SRBD1: variants seen among roughly 807,000 people sequenced by gnomAD.
SRBD1 encodes S1 RNA binding domain 1.
A neutral mutation model predicts 115.3 loss-of-function variants in SRBD1; 88 were observed. That is an observed-to-expected ratio of 0.76 (90% CI 0.64 to 0.91). The LOEUF (loss-of-function observed/expected upper bound fraction) is 0.91, where lower values mean the gene tolerates loss of function less well. Among genes scored for constraint, SRBD1 ranks in the 40% least tolerant of loss-of-function variants. The probability of loss-of-function intolerance (pLI) is 0.00; values close to 1 mark genes in which losing one functional copy is unlikely to be tolerated. For synonymous variants in SRBD1, 509 were observed against 407.7 expected (o/e 1.25, Z -2.99); for missense variants, 1,385 against 1,177.4 (o/e 1.18, Z -2.58).
At chr2:45,505,668 G>A (rs1670775593) in intron 14 of SRBD1, among the ~76,000 whole-genome samples, 1 of 152,136 alleles carries the variant, frequency 6.6e-6, no homozygotes, top group African/African-American at 2.4e-5. Flanking sequence ...ATACTTAAGA[G>A]CTTCCTGAAA....
chr2:45,599,035 G>GTA lies in SRBD1; in HGVS notation c.648+412_648+413dup, dbSNP rs376888093. ...CTTTCAAAAATCGCTAGGCCTTGTT[G>GTA]TAGTACATTACAACATTATACTAAG... On this transcript the variant is annotated intron_variant, in intron 4 of 20. Coordinates refer to ENST00000263736, the MANE Select transcript of SRBD1 (RefSeq NM_018079.5). Among the ~76,000 whole-genome samples the GTA allele has an allele frequency of 4.6e-5, 7 of 152,304 alleles. No individual in the cohort carries two copies. In the East Asian group the frequency reaches 1.3e-3, roughly 29 times the overall value.
At chr2:45,577,049 G>A (rs1234348086) in intron 7 of SRBD1, among the ~76,000 whole-genome samples, 2 of 152,090 alleles carry the variant, frequency 1.3e-5, no homozygotes, top group African/African-American at 4.8e-5. Flanking sequence ...CTGTGGAAAT[G>A]AAGTACTTCA....
intron 19 of SRBD1, among the ~76,000 whole-genome samples, chr2:45,400,460 G>A (rs1280527409): frequency 6.6e-6 from 1 of 152,104 alleles, no homozygotes; most frequent in Non-Finnish European, 1.5e-5. Flanking sequence ...GGTACTAATA[G>A]GTTGCTCCAG....
chr2:45,605,336 C>A (rs769045854), intron 2 of SRBD1, 26 bp downstream of exon 2: 1 of 1,585,348 alleles, frequency 6.3e-7, no homozygotes, highest in East Asian at 2.2e-5. Context: ...CATTCCCCTA[C>A]CCACATATTA....
intron 14 of SRBD1, among the ~76,000 whole-genome samples, chr2:45,543,022 T>A (rs1024959277): frequency 3.3e-5 from 5 of 152,114 alleles, no homozygotes; most frequent in Non-Finnish European, 5.9e-5. Flanking sequence ...GCAAAATGAG[T>A]GCCTACCATA....
At position 45,544,298 on chromosome 2, in the gene SRBD1, C is replaced by G. The variant is rs553631819; in HGVS notation, c.1874+2434G>C. On this transcript the variant is annotated intron_variant, in intron 14 of 20. Transcript: ENST00000263736. ...CCCTAAACTCAAAGATTAGCCCACACTTAACATATTTACTACAAATAGCCT... is the reference window on the plus strand; with the variant it reads ...CCCTAAACTCAAAGATTAGCCCACAGTTAACATATTTACTACAAATAGCCT... Among the ~76,000 whole-genome samples, 3 of 151,284 alleles carry G rather than the reference C, an allele frequency of 2.0e-5. No homozygotes were observed. The South Asian group carries it at 6.3e-4, about 32-fold the overall frequency.
rs138180115 is a variant in SRBD1, at chr2:45,601,708, C to A, written c.261+195G>T. ...ATTACCAGCACTACCACACCCAGAC[C>A]AACTCCTAGGAGAGGGAAAAGGGAA... On this transcript the variant is annotated intron_variant, in intron 3 of 20. Transcript: ENST00000263736. Among the ~76,000 whole-genome samples, 742 of 152,308 alleles carry A rather than the reference C, an allele frequency of 4.9e-3. 20 individuals carry two copies. Among genetic ancestry groups the A allele is most frequent in the Admixed American group, 0.041 (634 of 15,306 alleles).
At chr2:45,499,269 A>T (rs1234177449) in intron 14 of SRBD1, among the ~76,000 whole-genome samples, 1 of 152,116 alleles carries the variant, frequency 6.6e-6, no homozygotes, top group African/African-American at 2.4e-5. Context: ...TTTCTTTAAT[A>T]TATCTAGTGG....
At chr2:45,405,761 A>AAGAATGGAAAGAGT (rs1451407616) in intron 19 of SRBD1, among the ~76,000 whole-genome samples, 1 of 34,150 alleles carries the variant, frequency 2.9e-5, no homozygotes, top group Admixed American at 2.8e-4. Flanking sequence ...GGTAAAAGAG[A>AAGAATGGAAAGAGT]CGACTGGTCA....
In SRBD1 at chr2:45,601,941, T is replaced by C; in HGVS notation, c.223A>G (p.Ser75Gly). ...ACAACAACGACTTCTGAGCCATCAC[T>C]GATCTGTGGGGCATTCTTCTTCACC... ...PRVKKNAPQI[S>G]DGSEVVVVKE... is the part of the protein sequence containing the mutation. The change falls in exon 3 of 21, where the codon AGT becomes GGT. Residue 75 changes from serine (S) to glycine (G), a missense_variant. By Grantham distance (56) the Ser-to-Gly change is moderately conservative. Transcript: ENST00000263736. 1 of 1,614,218 alleles carries C rather than the reference T, an allele frequency of 6.2e-7. No individual in the cohort carries two copies. The highest frequency in any genetic ancestry group is 8.5e-7 in the Non-Finnish European group (1 of 1,180,044).
At chr2:45,570,070 T>C (rs1672960969) in intron 9 of SRBD1, among the ~76,000 whole-genome samples, 3 of 152,234 alleles carry the variant, frequency 2.0e-5, no homozygotes, top group Non-Finnish European at 4.4e-5. Flanking sequence ...ACCATGCTCA[T>C]TCATTATGCA....
At chr2:45,509,550 T>G (rs897177330) in intron 14 of SRBD1, among the ~76,000 whole-genome samples, 2 of 128,656 alleles carry the variant, frequency 1.6e-5, no homozygotes, top group Non-Finnish European at 3.4e-5. Flanking sequence ...GAGCAGAGAT[T>G]GCACCACTGC....
intron 19 of SRBD1, among the ~76,000 whole-genome samples, chr2:45,397,446 T>G (rs1444084018): frequency 6.6e-6 from 1 of 152,220 alleles, no homozygotes; most frequent in Non-Finnish European, 1.5e-5. Flanking sequence ...TGCTCCTTTA[T>G]GCTATCTACA....
intron 16 of SRBD1, among the ~76,000 whole-genome samples, chr2:45,467,500 T>C (rs1243694850): frequency 3.3e-5 from 5 of 152,200 alleles, no homozygotes; most frequent in African/African-American, 4.8e-5. Context: ...CTGCCCTGTA[T>C]ATAAGCACTA....
chr2:45,409,258 A>G (rs907467662), intron 19 of SRBD1, among the ~76,000 whole-genome samples: 1 of 152,076 alleles, frequency 6.6e-6, no homozygotes, highest in African/African-American at 2.4e-5. Flanking sequence ...CCCCCCAAAA[A>G]AAGATAGTGA....
At chr2:45,603,481 C>A (rs1256977889) in intron 2 of SRBD1, among the ~76,000 whole-genome samples, 1 of 152,144 alleles carries the variant, frequency 6.6e-6, no homozygotes, top group Non-Finnish European at 1.5e-5. Flanking sequence ...CCTCTATGCT[C>A]TCTTGCCAGG....
At chr2:45,434,359 C>T (rs1668425332) in intron 16 of SRBD1, among the ~76,000 whole-genome samples, 1 of 152,144 alleles carries the variant, frequency 6.6e-6, no homozygotes, top group Middle Eastern at 3.2e-3. Flanking sequence ...CTTATGTTCC[C>T]AAGACACTGT....
intron 16 of SRBD1, among the ~76,000 whole-genome samples, chr2:45,468,653 G>A (rs972479553): frequency 6.6e-6 from 1 of 152,126 alleles, no homozygotes; most frequent in Non-Finnish European, 1.5e-5. Flanking sequence ...CTCCCAAAGT[G>A]TTGGGATTAC....
intron 12 of SRBD1, among the ~76,000 whole-genome samples, chr2:45,549,520 A>C (rs1672228034): frequency 6.6e-6 from 1 of 151,920 alleles, no homozygotes; most frequent in Non-Finnish European, 1.5e-5. Flanking sequence ...AGATGTGCCT[A>C]ATGTATGAGA....
Sources: gnomAD v4.1 joint callset for allele counts (sites outside exome capture counted in the v4.1 genomes callset) on GRCh38, gnomAD v4.1.1 for gene constraint, MANE v1.5 for transcripts, NCBI Gene and HGNC (gene_info 2026-07-23, HGNC 2026-07-21) for gene names.